SH3BP4: variants seen among roughly 807,000 people sequenced by gnomAD.
SH3BP4 encodes SH3 domain binding protein 4.
A neutral mutation model predicts 65.5 loss-of-function variants in SH3BP4; 33 were observed. The observed-to-expected ratio is 0.50, with a 90% CI of 0.38 to 0.67. The LOEUF (loss-of-function observed/expected upper bound fraction) is 0.67. SH3BP4 is among the 30% of genes least tolerant of loss of function. The pLI is 0.00. For missense variants in SH3BP4, 1,134 were observed against 1,261.4 expected (o/e 0.90, Z 1.53); for synonymous variants, 552 against 545.5 (o/e 1.01, Z -0.17).
At chr2:235,029,513 G>A (rs1329486672) in intron 2 of SH3BP4, among the ~76,000 whole-genome samples, 4 of 152,190 alleles carry the variant, frequency 2.6e-5, no homozygotes, top group Admixed American at 6.5e-5. Context: ...TGGCTCCTTA[G>A]CAGTTTTCCT....
chr2:234,960,926 T>C (rs1371644055), intron 1 of SH3BP4, among the ~76,000 whole-genome samples: 1 of 152,224 alleles, frequency 6.6e-6, no homozygotes, highest in Non-Finnish European at 1.5e-5. Flanking sequence ...CAGGGAACAA[T>C]AGCTGGAATG....
At chr2:234,958,966 TG>T (rs939839673) in intron 1 of SH3BP4, among the ~76,000 whole-genome samples, 15 of 152,132 alleles carry the variant, frequency 9.9e-5, no homozygotes, top group African/African-American at 3.1e-4. Context: ...AAATTCTCCT[TG>T]GGGTACCCGT....
At position 235,033,554 on chromosome 2, in the gene SH3BP4, G is replaced by A. The variant is rs1384856980; in HGVS notation, c.-132-1317G>A. On this transcript the variant is annotated intron_variant, in intron 2 of 5. Transcript: ENST00000392011. This position sits in a 1 kb window ranked among gnomAD's most constrained non-coding sequence, Gnocchi z 5.7. ...TCTGAGGCCTTGAGATGGAAAGGAC[G>A]CCTCCCTTGAGCCACTATCCGCCGG... is the stretch of plus-strand genomic sequence containing the variant. Among the ~76,000 whole-genome samples, 1 of 152,222 alleles carries A rather than the reference G, an allele frequency of 6.6e-6. No homozygotes were observed. The highest frequency in any genetic ancestry group is 1.5e-5 in the Non-Finnish European group (1 of 68,036).
At chr2:235,044,919 G>A (rs1294385389) in intron 4 of SH3BP4, among the ~76,000 whole-genome samples, 1 of 152,200 alleles carries the variant, frequency 6.6e-6, no homozygotes, top group African/African-American at 2.4e-5. Context: ...GGAAGCGGCC[G>A]TCAGGGGGGC....
At chr2:235,038,391 A>ATATATAT (rs1695522081) in intron 3 of SH3BP4, among the ~76,000 whole-genome samples, 1 of 16,310 alleles carries the variant, frequency 6.1e-5, no homozygotes, top group African/African-American at 4.4e-4. Flanking sequence ...ATATATATAT[A>ATATATAT]TATATATATA....
At chr2:235,016,619 C>T (rs1694691710) in intron 2 of SH3BP4, among the ~76,000 whole-genome samples, 1 of 152,188 alleles carries the variant, frequency 6.6e-6, no homozygotes. Context: ...AGCGATTCTC[C>T]TGCCTCAGCC....
chr2:235,034,952 G>C lies in SH3BP4; in HGVS notation c.-51G>C. 1 of 1,490,614 alleles carries C rather than the reference G, an allele frequency of 6.7e-7. No homozygotes were observed. The highest frequency in any genetic ancestry group is 9.3e-7 in the Non-Finnish European group (1 of 1,070,946). 92.3% of individuals were successfully genotyped at this position (1,490,614 alleles called of 1,614,324 possible). On this transcript the variant is annotated 5_prime_UTR_variant, in exon 3 of 6. Transcript: ENST00000392011. The surrounding 1 kb of genome is among the most constrained non-coding windows in gnomAD (Gnocchi z 6.2). Reference sequence around the variant, plus strand: ...GCTTCAGCATCTGCTGGGATAACTGGAGGAAGAAATATGAAGCCTTAGCGG... The same window carrying C: ...GCTTCAGCATCTGCTGGGATAACTGCAGGAAGAAATATGAAGCCTTAGCGG...
intron 2 of SH3BP4, among the ~76,000 whole-genome samples, chr2:235,029,902 TGAG>T (rs1048230612): frequency 1.8e-4 from 28 of 151,992 alleles, no homozygotes; most frequent in Admixed American, 1.8e-3. Flanking sequence ...AGCTAAGAGA[TGAG>T]GAGAGAGAAG....
intron 2 of SH3BP4, among the ~76,000 whole-genome samples, chr2:235,008,353 C>T (rs1297870787): frequency 1.3e-5 from 2 of 152,152 alleles, no homozygotes; most frequent in East Asian, 3.9e-4. Flanking sequence ...GGGCTGCAGC[C>T]TCCCTGCAGG....
rs976161714 is a variant in SH3BP4 at position 234,977,847 on chromosome 2, C to T, written c.-206-17456C>T. On this transcript the variant is annotated intron_variant, in intron 1 of 5. Coordinates refer to ENST00000392011, the MANE Select transcript of SH3BP4 (RefSeq NM_014521.3). The surrounding 1 kb of genome is among the most constrained non-coding windows in gnomAD (Gnocchi z 5.1). ...TGCACACACACGCAGACCCTGAGAC[C>T]CTGCACTTGAGTTTCTAGTCTTAAG... is the stretch of plus-strand genomic sequence containing the variant. Among the ~76,000 whole-genome samples the T allele has an allele frequency of 5.3e-5, 8 of 152,160 alleles. No homozygotes were observed. The highest frequency in any genetic ancestry group is 1.0e-4 in the Non-Finnish European group (7 of 68,026).
intron 2 of SH3BP4, among the ~76,000 whole-genome samples, chr2:235,014,496 C>T (rs1694625650): frequency 6.6e-6 from 1 of 152,152 alleles, no homozygotes; most frequent in Non-Finnish European, 1.5e-5. Flanking sequence ...CCTGGGGCCA[C>T]CATAACAAAG....
chr2:235,050,650 G>A (rs1218258071), intron 4 of SH3BP4, among the ~76,000 whole-genome samples: 1 of 151,834 alleles, frequency 6.6e-6, no homozygotes, highest in Non-Finnish European at 1.5e-5. Flanking sequence ...TCGCCAAAAA[G>A]GTCACCTTTT....
intron 1 of SH3BP4, among the ~76,000 whole-genome samples, chr2:234,960,750 G>T (rs561432928): frequency 6.6e-6 from 1 of 152,100 alleles, no homozygotes; most frequent in Non-Finnish European, 1.5e-5. Flanking sequence ...CCTGTGTTAC[G>T]CACTGAGACA....
At chr2:234,994,284 G>T (rs1158379986) in intron 1 of SH3BP4, among the ~76,000 whole-genome samples, 1 of 152,172 alleles carries the variant, frequency 6.6e-6, no homozygotes, top group Non-Finnish European at 1.5e-5. Flanking sequence ...CTTCTTGGGT[G>T]ATTGTGACGC....
chr2:235,013,799 C>T (rs1481284938), intron 2 of SH3BP4, among the ~76,000 whole-genome samples: 1 of 152,108 alleles, frequency 6.6e-6, no homozygotes, highest in Non-Finnish European at 1.5e-5. Flanking sequence ...TGTGAAAGCC[C>T]CAGTGATTTG....
At chr2:235,010,155 G>A (rs1207863170) in intron 2 of SH3BP4, among the ~76,000 whole-genome samples, 1 of 152,048 alleles carries the variant, frequency 6.6e-6, no homozygotes, top group Non-Finnish European at 1.5e-5. Flanking sequence ...GGTGCACACG[G>A]CCCCTATGGC....
At chr2:234,973,758 C>G (rs1003513869) in intron 1 of SH3BP4, among the ~76,000 whole-genome samples, 7 of 152,048 alleles carry the variant, frequency 4.6e-5, no homozygotes, top group Admixed American at 1.3e-4. Context: ...GCCTCAGCCT[C>G]CTGAGTAGCT....
intron 2 of SH3BP4, among the ~76,000 whole-genome samples, chr2:235,025,179 TTGA>T (rs1474477266): frequency 1.3e-5 from 2 of 152,174 alleles, no homozygotes; most frequent in African/African-American, 2.4e-5. Context: ...AACCCCAGGC[TTGA>T]TGAGCACTTG....
intron 1 of SH3BP4, chr2:234,981,708 G>A (rs1559231080): frequency 2.0e-5 from 1 of 50,284 alleles, no homozygotes; most frequent in South Asian, 6.1e-4. Flanking sequence ...GTGAAGTCAC[G>A]ACTGACTTTC....
Sources: gnomAD v4.1 joint callset for allele counts (sites outside exome capture counted in the v4.1 genomes callset) on GRCh38, gnomAD v4.1.1 for gene constraint, Gnocchi (gnomAD v3.1) non-coding constraint, MANE v1.5 for transcripts, NCBI Gene and HGNC (gene_info 2026-07-23, HGNC 2026-07-21) for gene names.